ING1: variants seen among roughly 807,000 people sequenced by gnomAD.
The protein encoded by ING1 is inhibitor of growth family member 1.
A neutral mutation model predicts 23.1 loss-of-function variants in ING1; 4 were observed. That is an observed-to-expected ratio of 0.17 (90% CI 0.09 to 0.40). The LOEUF (loss-of-function observed/expected upper bound fraction) is 0.40, where lower values mean the gene tolerates loss of function less well. ING1 is among the 10% of genes least tolerant of loss of function. ING1 has a pLI of 1.00. For missense variants in ING1, 256 were observed against 393.8 expected (o/e 0.65, Z 2.96); for synonymous variants, 179 against 166.4 (o/e 1.08, Z -0.58).
chr13:110,713,086 T>A (rs1467440246), upstream of ING1: 11 of 1,440,900 alleles, frequency 7.6e-6, no homozygotes, highest in Non-Finnish European at 1.0e-5. Flanking sequence ...TCCTTCCGCC[T>A]CCCGGAGGAC....
rs758157180 is a variant in ING1 at position 110,719,823 on chromosome 13, A to G, written c.731A>G (p.Asn244Ser). Reference protein sequence around the residue: ...EWFHFSCVGLNHKPKGKWYCP... With the variant: ...EWFHFSCVGLSHKPKGKWYCP... ...TTCCACTTCTCGTGCGTGGGGCTCA[A>G]TCATAAACCCAAGGGCAAGTGGTAC... is the stretch of plus-strand genomic sequence containing the variant. The change falls in exon 2 of 2, where the codon AAT (asparagine) becomes AGT (serine). Residue 244 changes from asparagine to serine, a missense_variant. This residue lies in a region of ING1 where 25 missense variants were observed against 95.8 expected (regional missense o/e 0.26). Coordinates refer to ENST00000333219, the MANE Select transcript of ING1 (RefSeq NM_198219.3). The surrounding 1 kb of genome is among the most constrained non-coding windows in gnomAD (Gnocchi z 8.9). 6 of 1,613,918 alleles carry G rather than the reference A, an allele frequency of 3.7e-6. No individual in the cohort carries two copies. Among genetic ancestry groups the G allele is most frequent in the South Asian group, 2.2e-5 (2 of 91,066 alleles).
upstream of ING1, chr13:110,712,992 C>G: frequency 6.5e-7 from 1 of 1,548,532 alleles, no homozygotes; most frequent in South Asian, 1.2e-5. Flanking sequence ...GTCTCCCGCG[C>G]ACTCTGCGGC....
At chr13:110,713,046 G>C (rs749184874), upstream of ING1, 17 of 1,467,924 alleles carry the variant, frequency 1.2e-5, no homozygotes, top group Non-Finnish European at 1.4e-5. Context: ...CGCATGCGCC[G>C]CCACTTCCGC....
At chr13:110,713,158 T>C (rs2064056998), upstream of ING1, 2 of 1,430,714 alleles carry the variant, frequency 1.4e-6, no homozygotes, top group African/African-American at 2.9e-5. Context: ...CTCCTCTTCA[T>C]CGTGATTGGG....
At chr13:110,712,903 G>A (rs577423815), upstream of ING1, 11 of 1,526,492 alleles carry the variant, frequency 7.2e-6, no homozygotes, top group South Asian at 1.2e-5. Context: ...ACGACACAAA[G>A]GGAGGGCGGT....
At chr13:110,716,286 C>T (rs1001709760) in intron 1 of ING1, among the ~76,000 whole-genome samples, 1 of 152,160 alleles carries the variant, frequency 6.6e-6, no homozygotes, top group Non-Finnish European at 1.5e-5. Context: ...TCATGTTCAC[C>T]TAGGGTGATG....
At chr13:110,713,499 G>A (rs917658315), upstream of ING1, 43 of 987,048 alleles carry the variant, frequency 4.4e-5, no homozygotes, top group African/African-American at 7.5e-4. Context: ...TGTCCCCTCC[G>A]CGACCCTCGC....
rs1441142353 is a variant in ING1 at position 110,721,875 on chromosome 13, T to TA, written c.*1944dup. Reference sequence around the variant, plus strand: ...GCGTGAGCCACCGTGCGCTGAGTGATACGTGGTTCCCTTTAACTTCGCACA... The same window carrying TA: ...GCGTGAGCCACCGTGCGCTGAGTGATAACGTGGTTCCCTTTAACTTCGCACA... On this transcript the variant is annotated 3_prime_UTR_variant, in exon 2 of 2. Coordinates refer to ENST00000333219, the MANE Select transcript of ING1 (RefSeq NM_198219.3). 2 of 152,200 alleles carry TA rather than the reference T, an allele frequency of 1.3e-5. No homozygotes were observed. Among genetic ancestry groups the TA allele is most frequent in the Non-Finnish European group, 2.9e-5 (2 of 68,040 alleles). The allele number at this position is 152,200 out of a possible 1,614,324, so 9.4% of individuals were successfully genotyped here.
intron 1 of ING1, among the ~76,000 whole-genome samples, chr13:110,714,588 C>A (rs536184060): frequency 6.6e-6 from 1 of 152,186 alleles, no homozygotes; most frequent in Non-Finnish European, 1.5e-5. Context: ...GGCGGCGGGT[C>A]CAAGCCGCGT....
intron 1 of ING1, among the ~76,000 whole-genome samples, chr13:110,714,559 C>T (rs1360043435): frequency 2.4e-5 from 3 of 126,140 alleles, no homozygotes; most frequent in Non-Finnish European, 5.0e-5. Context: ...AGTGATGAGG[C>T]GGGTGCTGCG....
chr13:110,715,352 C>G (rs1407906193), intron 1 of ING1: 27 of 1,472,234 alleles, frequency 1.8e-5, no homozygotes, highest in East Asian at 1.2e-4. Flanking sequence ...CCTGCGCGTT[C>G]TATCCGAGAC....
At chr13:110,715,153 C>T in intron 1 of ING1, 8 of 1,161,454 alleles carry the variant, frequency 6.9e-6, no homozygotes, top group Non-Finnish European at 8.5e-6. Flanking sequence ...GAATTGTTGG[C>T]TGTTGGGGAA....
In ING1 at chr13:110,723,080, A is replaced by G. The variant is rs2139980720; in HGVS notation, c.*3148A>G. 6.6e-6 allele frequency: 1 copy of G among 152,330 alleles called. No individual in the cohort carries two copies. Among genetic ancestry groups the G allele is most frequent in the African/African-American group, 2.4e-5 (1 of 41,584 alleles). The allele number at this position is 152,330 out of a possible 1,614,324, so 9.4% of individuals were successfully genotyped here. A position where few individuals can be genotyped will look rare whatever the true frequency, so the allele number is the denominator to read the frequency against. ...GTCCAAAGTGTTTTCGTTATGATATAATACTTTCTATTGTAAACTGGACTA... is the reference window on the plus strand; with the variant it reads ...GTCCAAAGTGTTTTCGTTATGATATGATACTTTCTATTGTAAACTGGACTA... On this transcript the variant is annotated 3_prime_UTR_variant, in exon 2 of 2. Coordinates refer to ENST00000333219, the MANE Select transcript of ING1 (RefSeq NM_198219.3).
Position 110,720,622 on chromosome 13 carries a change from A to G in ING1, c.*690A>G, listed in dbSNP as rs1033218629. 2 of 167,102 alleles carry G rather than the reference A, an allele frequency of 1.2e-5. No homozygotes were observed. Among genetic ancestry groups the G allele is most frequent in the Non-Finnish European group, 1.5e-5 (1 of 68,128 alleles). 10.4% of individuals were successfully genotyped at this position (167,102 alleles called of 1,614,324 possible). Reference sequence around the variant, plus strand: ...CAGGTGTATAAATGTACATTTCCAAATGAACTTGCACTTGTTATATTATAA... The same window carrying G: ...CAGGTGTATAAATGTACATTTCCAAGTGAACTTGCACTTGTTATATTATAA... On this transcript the variant is annotated 3_prime_UTR_variant, in exon 2 of 2. Transcript: ENST00000333219.
At chr13:110,713,561 G>T (rs1425975657), upstream of ING1, 1 of 986,006 alleles carries the variant, frequency 1.0e-6, no homozygotes, top group Non-Finnish European at 1.2e-6. Flanking sequence ...CCGGCCTGGA[G>T]CCCGCAGCCC....
Position 110,720,008 on chromosome 13 carries a change from C to A in ING1, c.*76C>A. The stretch of plus-strand genomic sequence containing the variant: ...TTACATTGCTGCCTTTGTTGAGGTG[C>A]AAGGAGTGTAAAATGTATATTTTTA... On this transcript the variant is annotated 3_prime_UTR_variant, in exon 2 of 2. Transcript: ENST00000333219. 2 of 1,028,098 alleles carry A rather than the reference C, an allele frequency of 1.9e-6. No individual in the cohort carries two copies. Among genetic ancestry groups the A allele is most frequent in the Non-Finnish European group, 2.8e-6 (2 of 713,730 alleles). The allele number at this position is 1,028,098 out of a possible 1,614,324, so 63.7% of individuals were successfully genotyped here. A position where few individuals can be genotyped will look rare whatever the true frequency, so the allele number is the denominator to read the frequency against.
chr13:110,715,265 G>C (rs775761371), intron 1 of ING1: 56 of 1,380,514 alleles, frequency 4.1e-5, no homozygotes, highest in Non-Finnish European at 5.1e-5. Flanking sequence ...TAGGGAAACG[G>C]AAGAGTTGGG....
upstream of ING1, chr13:110,713,595 C>T: frequency 1.0e-6 from 1 of 985,418 alleles, no homozygotes; most frequent in Non-Finnish European, 1.2e-6. Flanking sequence ...CGGTGAGGGG[C>T]GTGAATGCGG....
chr13:110,714,682 A>G (rs2064087904), intron 1 of ING1, among the ~76,000 whole-genome samples: 1 of 152,124 alleles, frequency 6.6e-6, no homozygotes, highest in Non-Finnish European at 1.5e-5. Context: ...ACGGGGCTGC[A>G]GGAGGAGGGC....
Sources: gnomAD v4.1 joint callset for allele counts (sites outside exome capture counted in the v4.1 genomes callset) on GRCh38, gnomAD v4.1.1 for gene constraint, gnomAD v4.1.1 regional missense constraint, Gnocchi (gnomAD v3.1) non-coding constraint, MANE v1.5 for transcripts, NCBI Gene and HGNC (gene_info 2026-07-23, HGNC 2026-07-21) for gene names.